The following PPM1D variants were observed in gnomAD, a reference collection of about 807,000 sequenced individuals.
PPM1D encodes the protein protein phosphatase 1D.
A neutral mutation model predicts 58.3 loss-of-function variants in PPM1D; 52 were observed. That is an observed-to-expected ratio of 0.89 (90% CI 0.71 to 1.12). The LOEUF is 1.12. PPM1D is among the 50% of genes most tolerant of loss of function. The probability of loss-of-function intolerance (pLI) is 0.00; values close to 1 mark genes in which losing one functional copy is unlikely to be tolerated. For missense variants in PPM1D, 564 were observed against 777.2 expected, an observed-to-expected ratio of 0.73 and a Z score of 3.26; for synonymous variants, 278 against 285.1, an observed-to-expected ratio of 0.98 and a Z score of 0.25.
intron 3 of PPM1D, among the ~76,000 whole-genome samples, chr17:60,635,842 G>A (rs1378010500): frequency 6.6e-6 from 1 of 152,168 alleles, no homozygotes; most frequent in Non-Finnish European, 1.5e-5. Flanking sequence ...GTTATCTATT[G>A]CTGTGTAATC....
At chr17:60,658,874 C>T (rs866643822) in intron 5 of PPM1D, among the ~76,000 whole-genome samples, 29 of 152,026 alleles carry the variant, frequency 1.9e-4, no homozygotes, top group Admixed American at 4.6e-4. Context: ...AGGCGGGAAT[C>T]GCTTGAACCC....
At chr17:60,632,857 C>A (rs2030950564) in intron 2 of PPM1D, among the ~76,000 whole-genome samples, 1 of 151,822 alleles carries the variant, frequency 6.6e-6, no homozygotes, top group African/African-American at 2.4e-5. Context: ...GTTCCAGCTA[C>A]TTGGGAGGCT....
At chr17:60,635,220 TG>T (rs1295001964) in intron 3 of PPM1D, among the ~76,000 whole-genome samples, 4 of 151,912 alleles carry the variant, frequency 2.6e-5, no homozygotes, top group Non-Finnish European at 5.9e-5. Flanking sequence ...ACATATGGGT[TG>T]TTTTTTTTTT....
At chr17:60,605,898 C>CTT (rs1445785384) in intron 1 of PPM1D, among the ~76,000 whole-genome samples, 2 of 152,208 alleles carry the variant, frequency 1.3e-5, no homozygotes, top group South Asian at 4.1e-4. Flanking sequence ...ACGCGAGACT[C>CTT]TGTCTCATAA....
At chr17:60,662,970 T>C (rs750698551) in intron 5 of PPM1D, 25 bp from the exon 6 acceptor site, 4 of 1,562,870 alleles carry the variant, frequency 2.6e-6, no homozygotes, top group Middle Eastern at 1.7e-4. Flanking sequence ...TTTTTTCTTA[T>C]TTGTTTTACC....
At chr17:60,638,240 T>G (rs1330847609) in intron 3 of PPM1D, among the ~76,000 whole-genome samples, 1 of 152,230 alleles carries the variant, frequency 6.6e-6, no homozygotes, top group Non-Finnish European at 1.5e-5. Context: ...AAAAAGCTTT[T>G]TTCCTCTTGA....
intron 3 of PPM1D, among the ~76,000 whole-genome samples, chr17:60,647,028 T>G (rs1472469201): frequency 6.6e-6 from 1 of 152,192 alleles, no homozygotes; most frequent in Non-Finnish European, 1.5e-5. Context: ...GGTACTTCTG[T>G]TTGTAGGATA....
chr17:60,638,259 G>A (rs368864955), intron 3 of PPM1D, among the ~76,000 whole-genome samples: 8 of 152,206 alleles, frequency 5.3e-5, no homozygotes, highest in African/African-American at 1.9e-4. Flanking sequence ...GATTTCTCTT[G>A]TCACATAAAT....
chr17:60,645,520 A>ATATATATG, intron 3 of PPM1D, among the ~76,000 whole-genome samples: 1 of 133,150 alleles, frequency 7.5e-6, no homozygotes, highest in African/African-American at 3.1e-5. Context: ...GTGTATATAT[A>ATATATATG]TGTATATATA....
chr17:60,630,728 A>G (rs989990773), intron 2 of PPM1D, among the ~76,000 whole-genome samples: 1 of 152,206 alleles, frequency 6.6e-6, no homozygotes, highest in African/African-American at 2.4e-5. Flanking sequence ...ACAGATCATA[A>G]TATCTTTGAA....
chr17:60,646,530 G>A (rs1449616835), intron 3 of PPM1D, among the ~76,000 whole-genome samples: 1 of 152,178 alleles, frequency 6.6e-6, no homozygotes, highest in East Asian at 1.9e-4. Context: ...ATAAACAAAA[G>A]AGGCAGAAAT....
chr17:60,627,963 G>A (rs996722863), intron 2 of PPM1D, among the ~76,000 whole-genome samples: 22 of 150,602 alleles, frequency 1.5e-4, no homozygotes, highest in African/African-American at 4.9e-4. Context: ...TCGTCTCACC[G>A]CAACCTCTGC....
intron 1 of PPM1D, among the ~76,000 whole-genome samples, chr17:60,622,619 T>C (rs983172262): frequency 2.0e-5 from 3 of 152,236 alleles, no homozygotes; most frequent in Non-Finnish European, 4.4e-5. Flanking sequence ...AGTATTGATA[T>C]CCTTATCTGC....
intron 1 of PPM1D, among the ~76,000 whole-genome samples, chr17:60,608,833 T>G (rs1244459938): frequency 1.3e-5 from 2 of 151,162 alleles, no homozygotes; most frequent in Admixed American, 6.6e-5. Context: ...CTGCAAGCTC[T>G]GCCTCCTGGG....
rs2031559540 is a variant in PPM1D at position 60,663,221 on chromosome 17, T to C, written c.1487T>C (p.Ile496Thr). The part of the protein sequence containing the change: ...IHDSLNNSLP[I>T]GLVPTNSTNT... The stretch of plus-strand genomic sequence containing the variant: ...GATTCTTTGAATAATAGCCTTCCAA[T>C]TGGCCTTGTGCCTACTAATTCAACA... Residue 496 changes from isoleucine to threonine, a missense_variant, in exon 6 of 6, where the codon ATT becomes ACT. This residue lies in a region of PPM1D where 261 missense variants were observed against 270.1 expected (regional missense o/e 0.97). Coordinates refer to ENST00000305921, the MANE Select transcript of PPM1D (RefSeq NM_003620.4). 1 of 1,614,084 alleles carries C rather than the reference T, an allele frequency of 6.2e-7. No individual in the cohort carries two copies. Among genetic ancestry groups the C allele is most frequent in the African/African-American group, 1.3e-5 (1 of 74,944 alleles).
intron 3 of PPM1D, among the ~76,000 whole-genome samples, chr17:60,635,754 A>G (rs1306720584): frequency 6.6e-6 from 1 of 152,216 alleles, no homozygotes; most frequent in Non-Finnish European, 1.5e-5. Context: ...AGAGATATCT[A>G]CATGTTTAGT....
chr17:60,649,438 C>T (rs1598411401), intron 4 of PPM1D, among the ~76,000 whole-genome samples: 1 of 152,058 alleles, frequency 6.6e-6, no homozygotes. Context: ...CCTGTAATTC[C>T]AGCACTTTGG....
At chr17:60,610,083 G>A (rs143808958) in intron 1 of PPM1D, among the ~76,000 whole-genome samples, 6 of 151,814 alleles carry the variant, frequency 4.0e-5, no homozygotes, top group Non-Finnish European at 7.4e-5. Context: ...AGGCGGCTGA[G>A]GCAGGGGAAT....
At chr17:60,641,597 A>G (rs1003175612) in intron 3 of PPM1D, among the ~76,000 whole-genome samples, 1 of 152,088 alleles carries the variant, frequency 6.6e-6, no homozygotes, top group Admixed American at 6.6e-5. Context: ...ATTAGGTCCT[A>G]CTTGTCAATT....
Sources: gnomAD v4.1 joint callset for allele counts (sites outside exome capture counted in the v4.1 genomes callset) on GRCh38, gnomAD v4.1.1 for gene constraint, gnomAD v4.1.1 regional missense constraint, MANE v1.5 for transcripts, NCBI Gene and HGNC (gene_info 2026-07-23, HGNC 2026-07-21) for gene names.